The following PDE8B variants were observed in gnomAD, a reference collection of about 807,000 sequenced individuals.
PDE8B encodes the protein high affinity cAMP-specific and IBMX-insensitive 3',5'-cyclic phosphodiesterase 8B.
Under a neutral mutation model 101.3 loss-of-function variants are expected in PDE8B, and 26 were observed. That is an observed-to-expected ratio of 0.26 (90% CI 0.19 to 0.36). The LOEUF (loss-of-function observed/expected upper bound fraction) is 0.36. PDE8B is among the 10% of genes least tolerant of loss of function. The pLI is 1.00. For synonymous variants in PDE8B, 424 were observed against 429.3 expected, an observed-to-expected ratio of 0.99 and a Z score of 0.15; for missense variants, 810 against 1,163.1, an observed-to-expected ratio of 0.70 and a Z score of 4.42.
chr5:77,249,367 G>A (rs1464181268), intron 1 of PDE8B, among the ~76,000 whole-genome samples: 1 of 152,190 alleles, frequency 6.6e-6, no homozygotes, highest in Non-Finnish European at 1.5e-5. Flanking sequence ...CTCAAGAGAG[G>A]TTGAATGAGT....
the PDE8B span, among the ~76,000 whole-genome samples, chr5:77,116,824 T>C: frequency 3.7e-4 from 57 of 152,304 alleles, no homozygotes; most frequent in Middle Eastern, 3.4e-3. Flanking sequence ...AAAGTTGTAC[T>C]GTTTGTGTTT....
intron 10 of PDE8B, among the ~76,000 whole-genome samples, chr5:77,385,121 T>A (rs1788281357): frequency 6.6e-6 from 1 of 152,202 alleles, no homozygotes; most frequent in Non-Finnish European, 1.5e-5. Flanking sequence ...TTTTGGTTGG[T>A]AGGCTAGTAA....
intron 1 of PDE8B, among the ~76,000 whole-genome samples, chr5:77,270,008 G>T (rs1437933250): frequency 6.6e-6 from 1 of 152,168 alleles, no homozygotes; most frequent in African/African-American, 2.4e-5. Context: ...TTTCTGTGAA[G>T]AATGTTGTTG....
the PDE8B span, among the ~76,000 whole-genome samples, chr5:77,173,443 G>A: frequency 3.3e-5 from 5 of 152,142 alleles, no homozygotes; most frequent in African/African-American, 1.2e-4. Flanking sequence ...TGGCAATTTT[G>A]TTACAAAATT....
At chr5:77,367,977 G>A (rs1459967288) in intron 10 of PDE8B, among the ~76,000 whole-genome samples, 1 of 152,232 alleles carries the variant, frequency 6.6e-6, no homozygotes, top group Non-Finnish European at 1.5e-5. Context: ...GCATGTGATT[G>A]TCAGGGCCAA....
the PDE8B span, among the ~76,000 whole-genome samples, chr5:77,182,157 C>T: frequency 6.6e-6 from 1 of 151,958 alleles, no homozygotes; most frequent in Non-Finnish European, 1.5e-5. Context: ...GGCTCAGAGC[C>T]TTTAATTCTG....
At chr5:77,405,231 CA>C (rs1284093349) in intron 12 of PDE8B, among the ~76,000 whole-genome samples, 4 of 152,222 alleles carry the variant, frequency 2.6e-5, no homozygotes, top group African/African-American at 7.2e-5. Flanking sequence ...CAGAATTTAG[CA>C]AAATGTTTCT....
intron 1 of PDE8B, among the ~76,000 whole-genome samples, chr5:77,216,394 GTCT>G (rs1185885927): frequency 6.6e-6 from 1 of 152,174 alleles, no homozygotes; most frequent in Non-Finnish European, 1.5e-5. Context: ...CGAAAGGCAT[GTCT>G]TACATGGTGG....
At chr5:77,324,474 C>T (rs1224620950) in intron 2 of PDE8B, among the ~76,000 whole-genome samples, 2 of 152,126 alleles carry the variant, frequency 1.3e-5, no homozygotes, top group Admixed American at 1.3e-4. Context: ...TAGTCTGTGT[C>T]TTTCTGGCTG....
At chr5:77,384,877 G>C (rs1392462506) in intron 10 of PDE8B, among the ~76,000 whole-genome samples, 1 of 152,166 alleles carries the variant, frequency 6.6e-6, no homozygotes, top group Non-Finnish European at 1.5e-5. Flanking sequence ...TGGCTTGCCA[G>C]TATTTTATTG....
chr5:77,362,648 A>G (rs1270780061), intron 10 of PDE8B, among the ~76,000 whole-genome samples: 1 of 152,110 alleles, frequency 6.6e-6, no homozygotes, highest in Non-Finnish European at 1.5e-5. Flanking sequence ...CACTGACTAA[A>G]CCATCATCAG....
At chr5:77,092,737 G>A in the PDE8B span, among the ~76,000 whole-genome samples, 16 of 151,880 alleles carry the variant, frequency 1.1e-4, no homozygotes, top group African/African-American at 3.9e-4. Context: ...TGGACGACAT[G>A]GTGAAATCAC....
chr5:77,341,092 T>C (rs1192030473), intron 6 of PDE8B, among the ~76,000 whole-genome samples: 1 of 152,176 alleles, frequency 6.6e-6, no homozygotes, highest in Non-Finnish European at 1.5e-5. Flanking sequence ...AAGCTAAGGT[T>C]CTTCTGCCAG....
At chr5:77,139,215 C>G in the PDE8B span, 1 of 152,208 alleles carries the variant, frequency 6.6e-6, no homozygotes, top group South Asian at 2.1e-4. Flanking sequence ...CTGCAGGGAG[C>G]CCCCCTGGAC....
intron 19 of PDE8B, 107 bp from the exon 20 acceptor site, chr5:77,421,714 A>G: frequency 2.0e-6 from 2 of 1,016,794 alleles, no homozygotes; most frequent in Non-Finnish European, 3.1e-6. Flanking sequence ...GCCGAGTCCC[A>G]GTCCTACCTG....
intron 2 of PDE8B, among the ~76,000 whole-genome samples, chr5:77,321,271 C>A (rs1561523367): frequency 6.6e-6 from 1 of 151,520 alleles, no homozygotes; most frequent in Non-Finnish European, 1.5e-5. Flanking sequence ...CCTGCTTCAG[C>A]CTCCTGAGTA....
At chr5:77,117,165 G>T in the PDE8B span, among the ~76,000 whole-genome samples, 2 of 152,210 alleles carry the variant, frequency 1.3e-5, no homozygotes, top group African/African-American at 4.8e-5. Flanking sequence ...GGCGGGTAGA[G>T]GTTGGAATGA....
chr5:77,412,329 TGA>T (rs111569967), intron 16 of PDE8B, 94 bp downstream of exon 16: 57,503 of 1,307,720 alleles, frequency 0.044, 2,093 homozygotes, highest in South Asian at 0.14. Flanking sequence ...GTTTTTGCTG[TGA>T]GAGACCTCAC....
chr5:77,117,917 T>C, the PDE8B span, among the ~76,000 whole-genome samples: 1 of 152,152 alleles, frequency 6.6e-6, no homozygotes, highest in African/African-American at 2.4e-5. Flanking sequence ...TAGTTCTTTT[T>C]GTTTTTTGTT....
Sources: allele counts gnomAD v4.1 joint callset (sites outside exome capture counted in the v4.1 genomes callset), GRCh38; gene constraint gnomAD v4.1.1; transcripts MANE v1.5; gene names NCBI Gene and HGNC (gene_info 2026-07-23, HGNC 2026-07-21).